SESN3: variants seen among roughly 807,000 people sequenced by gnomAD.
SESN3 encodes sestrin-3.
In SESN3, 21 loss-of-function variants were observed where a neutral mutation model predicts 55.3. The observed-to-expected ratio is 0.38, with a 90% CI of 0.27 to 0.55. SESN3 has a LOEUF of 0.55. Ranked by LOEUF, SESN3 falls within the 20% of genes least tolerant of loss-of-function variation. SESN3 has a pLI of 0.76. For missense variants in SESN3, 408 were observed against 604.3 expected, an observed-to-expected ratio of 0.68 and a Z score of 3.41; for synonymous variants, 181 against 203.1, an observed-to-expected ratio of 0.89 and a Z score of 0.93.
rs1456360552 is a variant in SESN3 at position 95,218,273 on chromosome 11, C to G, written c.78+12510G>C. 2.0e-5 allele frequency among the ~76,000 whole-genome samples: 3 copies of G among 152,298 alleles called. No homozygotes were observed. The East Asian group carries it at 5.8e-4, about 29-fold the overall frequency. On this transcript the variant is annotated intron_variant, in intron 1 of 9. Transcript: ENST00000536441. ...ACCCAGCCCTTTACAGAAAGTTTAC[C>G]AAATCCTACTCTTGACTGTAGTGTC...
Position 95,173,202 on chromosome 11 carries a change from T to C in SESN3, c.*53A>G. The C allele has an allele frequency of 3.8e-6, 4 of 1,050,686 alleles. No individual in the cohort carries two copies. The highest frequency in any genetic ancestry group is 5.8e-6 in the Non-Finnish European group (4 of 692,074). 65.1% of individuals were successfully genotyped at this position (1,050,686 alleles called of 1,614,324 possible). Reference sequence around the variant, plus strand: ...CTATATCACAAATAGCTTCAATGTTTATCTTATGTGAAAGGTCTTTACACA... The same window carrying C: ...CTATATCACAAATAGCTTCAATGTTCATCTTATGTGAAAGGTCTTTACACA... On this transcript the variant is annotated 3_prime_UTR_variant, in exon 10 of 10. Coordinates refer to ENST00000536441, the MANE Select transcript of SESN3 (RefSeq NM_144665.4).
At chr11:95,228,736 A>G (rs1487100979) in intron 1 of SESN3, among the ~76,000 whole-genome samples, 2 of 152,222 alleles carry the variant, frequency 1.3e-5, no homozygotes, top group African/African-American at 4.8e-5. Context: ...GCATGAATCA[A>G]TATTAAATAC....
chr11:95,190,241 G>A (rs1003604716), intron 3 of SESN3, among the ~76,000 whole-genome samples: 1 of 151,852 alleles, frequency 6.6e-6, no homozygotes, highest in Non-Finnish European at 1.5e-5. Flanking sequence ...CTATGAATAG[G>A]AAATACAGGT....
At chr11:95,182,882 A>G (rs1401510897) in intron 6 of SESN3, among the ~76,000 whole-genome samples, 2 of 151,960 alleles carry the variant, frequency 1.3e-5, no homozygotes, top group Non-Finnish European at 2.9e-5. Flanking sequence ...GCTGTTTACC[A>G]TGTCCTCCTG....
In SESN3 at chr11:95,191,752, TA is replaced by T. The variant is rs1443403251; in HGVS notation, c.145-152del. On this transcript the variant is annotated intron_variant, in intron 2 of 9. Coordinates refer to ENST00000536441, the MANE Select transcript of SESN3 (RefSeq NM_144665.4). ...CAGTTGCTCATACTGGAAACAGAAA[TA>T]AAAAAAGAAAGCACCATTCATTTTT... 7 of 627,674 alleles carry T rather than the reference TA, an allele frequency of 1.1e-5. No homozygotes were observed. The East Asian group carries it at 1.7e-4, about 15-fold the overall frequency. 38.9% of individuals were successfully genotyped at this position (627,674 alleles called of 1,614,324 possible). A position where few individuals can be genotyped will look rare whatever the true frequency, so the allele number is the denominator to read the frequency against.
At chr11:95,189,160 A>T (rs1860219166) in intron 4 of SESN3, among the ~76,000 whole-genome samples, 1 of 151,954 alleles carries the variant, frequency 6.6e-6, no homozygotes, top group South Asian at 2.1e-4. Context: ...ACCACGTGCC[A>T]AGAATAGTGC....
chr11:95,173,368 G>A (rs1227260476), intron 9 of SESN3, 27 bp from the exon 10 acceptor site: 2 of 1,472,852 alleles, frequency 1.4e-6, no homozygotes, highest in African/African-American at 1.4e-5. Context: ...TATCAGTTTA[G>A]TAACCATTAT....
intron 1 of SESN3, among the ~76,000 whole-genome samples, chr11:95,198,536 A>G (rs1487386395): frequency 1.3e-5 from 2 of 152,214 alleles, no homozygotes; most frequent in Non-Finnish European, 2.9e-5. Context: ...ACTTTTGGGA[A>G]TAAATGAGTT....
intron 1 of SESN3, among the ~76,000 whole-genome samples, chr11:95,223,387 T>C (rs983161330): frequency 1.3e-5 from 2 of 152,218 alleles, no homozygotes; most frequent in African/African-American, 4.8e-5. Flanking sequence ...TTCTTTCCCT[T>C]GTAGCCAAGA....
At chr11:95,178,069 T>C (rs755022674) in intron 7 of SESN3, among the ~76,000 whole-genome samples, 160 bp from the exon 8 acceptor site, 9 of 152,198 alleles carry the variant, frequency 5.9e-5, no homozygotes, top group Non-Finnish European at 1.3e-4. Context: ...TTCACATCAG[T>C]TAGTAGATCA....
chr11:95,192,238 G>C (rs1031407358), intron 2 of SESN3, among the ~76,000 whole-genome samples: 2 of 151,906 alleles, frequency 1.3e-5, no homozygotes, highest in Non-Finnish European at 2.9e-5. Flanking sequence ...CTCCATCCTA[G>C]GAAATCAAAA....
At chr11:95,195,582 G>C (rs968861834) in intron 1 of SESN3, among the ~76,000 whole-genome samples, 9 of 152,114 alleles carry the variant, frequency 5.9e-5, no homozygotes, top group Non-Finnish European at 4.4e-5. Context: ...GATGAAAGAA[G>C]ACATCATTTT....
chr11:95,176,443 A>T (rs1859957649), intron 8 of SESN3, among the ~76,000 whole-genome samples: 2 of 152,198 alleles, frequency 1.3e-5, no homozygotes, highest in South Asian at 4.1e-4. Flanking sequence ...ATGGGAGTAA[A>T]GCTGATTATG....
At chr11:95,208,466 C>A (rs566129717) in intron 1 of SESN3, among the ~76,000 whole-genome samples, 2 of 151,390 alleles carry the variant, frequency 1.3e-5, no homozygotes, top group African/African-American at 2.4e-5. Context: ...CATCAGTGTG[C>A]GAAATGTGTT....
chr11:95,182,766 C>T (rs979571641), intron 6 of SESN3, among the ~76,000 whole-genome samples: 10 of 152,188 alleles, frequency 6.6e-5, no homozygotes, highest in African/African-American at 2.4e-4. Context: ...CCAGATTTCT[C>T]TTTACACTAC....
intron 4 of SESN3, among the ~76,000 whole-genome samples, chr11:95,186,242 G>GTGTGTGTGTGTGTGTGTGTGTGT (rs1555118918): frequency 6.3e-5 from 8 of 127,498 alleles, no homozygotes; most frequent in Admixed American, 8.2e-5. Context: ...GTGTGTGTGT[G>GTGTGTGTGTGTGTGTGTGTGTGT]GTGTATGTAA....
intron 7 of SESN3, among the ~76,000 whole-genome samples, chr11:95,178,372 G>C (rs1859996865): frequency 6.6e-6 from 1 of 152,160 alleles, no homozygotes; most frequent in African/African-American, 2.4e-5. Flanking sequence ...TTAAGCCCAT[G>C]ACTACTGGTA....
chr11:95,177,931 A>C, intron 7 of SESN3, 22 bp from the exon 8 acceptor site: 1 of 1,484,310 alleles, frequency 6.7e-7, no homozygotes, highest in South Asian at 1.2e-5. Context: ...AAATGTATTT[A>C]ATTACAAAGT....
At chr11:95,180,656 G>C (rs1837908608) in intron 6 of SESN3, among the ~76,000 whole-genome samples, 1 of 152,148 alleles carries the variant, frequency 6.6e-6, no homozygotes. Context: ...ACCACTGTCA[G>C]TACTGTGTCA....
Sources: allele counts gnomAD v4.1 joint callset (sites outside exome capture counted in the v4.1 genomes callset), GRCh38; gene constraint gnomAD v4.1.1; transcripts MANE v1.5; gene names NCBI Gene and HGNC (gene_info 2026-07-23, HGNC 2026-07-21).